Variants in TBC1D22B observed in about 807,000 individuals in gnomAD.
TBC1D22B encodes the protein TBC1 domain family member 22B, also known as chromosome 6 open reading frame 197.
In TBC1D22B, 32 loss-of-function variants were observed where a neutral mutation model predicts 69.1. The ratio of observed to expected loss-of-function variants is 0.46; its 90% CI spans 0.35 to 0.62. TBC1D22B has a LOEUF of 0.62. Among genes scored for constraint, TBC1D22B ranks in the 20% least tolerant of loss-of-function variants. The pLI is 0.00. For missense variants in TBC1D22B, 462 were observed against 630.9 expected, an observed-to-expected ratio of 0.73 and a Z score of 2.87; for synonymous variants, 206 against 229.8, an observed-to-expected ratio of 0.90 and a Z score of 0.94.
At chr6:37,320,100 G>C (rs1475851004) in intron 12 of TBC1D22B, among the ~76,000 whole-genome samples, 1 of 152,222 alleles carries the variant, frequency 6.6e-6, no homozygotes, top group Non-Finnish European at 1.5e-5. Flanking sequence ...AGTTGCAGCA[G>C]TTTTAGCAGA....
chr6:37,321,519 T>A (rs931096026), intron 12 of TBC1D22B, among the ~76,000 whole-genome samples: 1 of 152,156 alleles, frequency 6.6e-6, no homozygotes, highest in African/African-American at 2.4e-5. Context: ...CCTCCCAGGG[T>A]CTTCCTTGTG....
intron 10 of TBC1D22B, among the ~76,000 whole-genome samples, chr6:37,315,423 G>A (rs1479590483): frequency 6.6e-6 from 1 of 152,024 alleles, no homozygotes; most frequent in Non-Finnish European, 1.5e-5. Context: ...TGGGCATGGT[G>A]GCACACGACT....
chr6:37,305,730 C>T lies in TBC1D22B; in HGVS notation c.983-7188C>T, dbSNP rs1160937485. Among the ~76,000 whole-genome samples the T allele has an allele frequency of 2.0e-5, 3 of 152,132 alleles. No homozygotes were observed. In the East Asian group the frequency reaches 5.8e-4, roughly 29 times the overall value. On this transcript the variant is annotated intron_variant, in intron 8 of 12. Coordinates refer to ENST00000373491, the MANE Select transcript of TBC1D22B (RefSeq NM_017772.4). Reference sequence around the variant, plus strand: ...AGAGACAAGGTTTCACTGTGTTAGCCAGAATGGTCTCGATCTCCTGACCTC... The same window carrying T: ...AGAGACAAGGTTTCACTGTGTTAGCTAGAATGGTCTCGATCTCCTGACCTC...
chr6:37,328,042 G>A (rs450134), intron 12 of TBC1D22B, among the ~76,000 whole-genome samples: 37,423 of 151,810 alleles, frequency 0.25, 5,996 homozygotes, highest in African/African-American at 0.46. Flanking sequence ...GGCCAGGCGC[G>A]GTAGCTCATG....
intron 1 of TBC1D22B, among the ~76,000 whole-genome samples, chr6:37,266,791 T>C (rs555340116): frequency 2.0e-5 from 3 of 152,252 alleles, no homozygotes; most frequent in Non-Finnish European, 4.4e-5. Context: ...TTAAAAGATA[T>C]ACTGTAATTT....
At chr6:37,315,939 A>G (rs944831432) in intron 10 of TBC1D22B, among the ~76,000 whole-genome samples, 2 of 152,234 alleles carry the variant, frequency 1.3e-5, no homozygotes, top group African/African-American at 4.8e-5. Flanking sequence ...TCCAGGTGCC[A>G]TTGTAAGCAC....
At chr6:37,330,867 C>T (rs1768562533) in intron 12 of TBC1D22B, among the ~76,000 whole-genome samples, 177 bp from the exon 13 acceptor site, 1 of 152,116 alleles carries the variant, frequency 6.6e-6, no homozygotes, top group Non-Finnish European at 1.5e-5. Flanking sequence ...TCAAGACCTC[C>T]TGAGGTGAAC....
At chr6:37,312,282 C>CT (rs1048419493) in intron 8 of TBC1D22B, among the ~76,000 whole-genome samples, 22 of 151,986 alleles carry the variant, frequency 1.4e-4, no homozygotes, top group Non-Finnish European at 2.4e-4. Flanking sequence ...GGAACCCCCC[C>CT]TTTTTTTTGA....
intron 10 of TBC1D22B, among the ~76,000 whole-genome samples, chr6:37,314,897 A>G (rs570290526): frequency 3.0e-4 from 45 of 151,662 alleles, no homozygotes; most frequent in African/African-American, 1.0e-3. Context: ...AATCTTCTGA[A>G]CCCATTTGTT....
chr6:37,269,104 C>A (rs1169827910), intron 1 of TBC1D22B, among the ~76,000 whole-genome samples: 1 of 152,124 alleles, frequency 6.6e-6, no homozygotes, highest in Non-Finnish European at 1.5e-5. Context: ...TTTCATTCTT[C>A]CTAGATATGG....
intron 12 of TBC1D22B, among the ~76,000 whole-genome samples, chr6:37,324,786 T>G (rs1768346499): frequency 6.6e-6 from 1 of 152,234 alleles, no homozygotes; most frequent in South Asian, 2.1e-4. Context: ...AGTCTAGTAA[T>G]TATGAGCACA....
chr6:37,305,481 A>G (rs913952914), intron 8 of TBC1D22B, among the ~76,000 whole-genome samples: 1 of 149,160 alleles, frequency 6.7e-6, no homozygotes, highest in Non-Finnish European at 1.5e-5. Context: ...AAGGGTAACT[A>G]CTTTACTGAT....
intron 9 of TBC1D22B, among the ~76,000 whole-genome samples, 187 bp downstream of exon 9, chr6:37,313,211 C>T (rs1042220853): frequency 3.9e-5 from 6 of 152,170 alleles, no homozygotes; most frequent in African/African-American, 9.7e-5. Context: ...AATGGTGGGT[C>T]GGGCACGGTG....
intron 1 of TBC1D22B, among the ~76,000 whole-genome samples, chr6:37,267,194 C>G (rs73419848): frequency 0.031 from 4,702 of 150,700 alleles, 231 homozygotes; most frequent in African/African-American, 0.11. Flanking sequence ...CTCAGCATCC[C>G]AAAGTCCTGG....
At chr6:37,284,233 T>G in intron 5 of TBC1D22B, 103 bp from the exon 6 acceptor site, 4 of 1,574,204 alleles carry the variant, frequency 2.5e-6, no homozygotes, top group Non-Finnish European at 3.5e-6. Context: ...CCTTGGCAGT[T>G]TTCCTTCTTG....
intron 2 of TBC1D22B, among the ~76,000 whole-genome samples, chr6:37,276,905 T>C (rs191597682): frequency 7.0e-6 from 1 of 142,506 alleles, no homozygotes; most frequent in South Asian, 2.1e-4. Flanking sequence ...CAAACAAAAA[T>C]ATATATATAT....
intron 10 of TBC1D22B, among the ~76,000 whole-genome samples, chr6:37,315,777 T>C (rs745931671): frequency 4.6e-5 from 7 of 152,124 alleles, no homozygotes; most frequent in Non-Finnish European, 1.0e-4. Context: ...GCTTTTGTCA[T>C]GTTGCCTAGC....
intron 12 of TBC1D22B, among the ~76,000 whole-genome samples, chr6:37,327,336 G>T (rs1202218822): frequency 7.4e-6 from 1 of 135,722 alleles, no homozygotes. Flanking sequence ...AAATTAGCCG[G>T]GCGTGGTGGT....
At chr6:37,262,260 G>C (rs1048392717) in intron 1 of TBC1D22B, among the ~76,000 whole-genome samples, 5 of 152,006 alleles carry the variant, frequency 3.3e-5, no homozygotes, top group Admixed American at 3.3e-4. Context: ...TTGAACTCTT[G>C]ACCTCAAGTG....
Sources: gnomAD v4.1 joint callset for allele counts (sites outside exome capture counted in the v4.1 genomes callset) on GRCh38, gnomAD v4.1.1 for gene constraint, MANE v1.5 for transcripts, NCBI Gene and HGNC (gene_info 2026-07-23, HGNC 2026-07-21) for gene names.